AGO1: variants seen among roughly 807,000 people sequenced by gnomAD.
The protein encoded by AGO1 is argonaute RISC component 1, also known as protein argonaute-1.
Under a neutral mutation model 109.2 loss-of-function variants are expected in AGO1, and 11 were observed. That is an observed-to-expected ratio of 0.10 (90% CI 0.06 to 0.17). The LOEUF (loss-of-function observed/expected upper bound fraction) is 0.17, where lower values mean the gene tolerates loss of function less well. Ranked by LOEUF, AGO1 falls within the 10% of genes least tolerant of loss-of-function variation. The pLI is 1.00. For missense variants in AGO1, 574 were observed against 1,140.3 expected (o/e 0.50, Z 7.15); for synonymous variants, 422 against 418.6 (o/e 1.01, Z -0.10).
rs1028755896 is a variant in AGO1, at chr1:35,883,542, TGAG to T, written c.25+100_25+102del. 4 of 1,430,424 alleles carry T rather than the reference TGAG, an allele frequency of 2.8e-6. No individual in the cohort carries two copies. Among genetic ancestry groups the T allele is most frequent in the East Asian group, 2.8e-5 (1 of 35,582 alleles). The allele number at this position is 1,430,424 out of a possible 1,614,324, so 88.6% of individuals were successfully genotyped here. The stretch of plus-strand genomic sequence containing the variant: ...TCCAAGTGATGGAAGCGCTCCTGAG[TGAG>T]GAGAAGGGCTCTCCCACGATGGGGG... On this transcript the variant is annotated intron_variant, in intron 1 of 18. Transcript: ENST00000373204. The surrounding 1 kb of genome is among the most constrained non-coding windows in gnomAD (Gnocchi z 5.4).
In AGO1 at chr1:35,896,457, G is replaced by A. The variant is rs548533857; in HGVS notation, c.1020+1188G>A. ...TCACTGTAACCTCCTCAGCCTCCCAGGTTCAAGCAATTCTCATGCCTCAGC... is the reference window on the plus strand; with the variant it reads ...TCACTGTAACCTCCTCAGCCTCCCAAGTTCAAGCAATTCTCATGCCTCAGC... On this transcript the variant is annotated intron_variant, in intron 8 of 18. Coordinates refer to ENST00000373204, the MANE Select transcript of AGO1 (RefSeq NM_012199.5). Among the ~76,000 whole-genome samples the A allele has an allele frequency of 4.0e-5, 6 of 151,506 alleles. No individual in the cohort carries two copies. The South Asian group carries it at 1.3e-3, about 32-fold the overall frequency.
At chr1:35,906,624 C>A (rs1645524187) in intron 11 of AGO1, among the ~76,000 whole-genome samples, 2 of 151,866 alleles carry the variant, frequency 1.3e-5, no homozygotes, top group Non-Finnish European at 2.9e-5. Context: ...GCTTGGGCAA[C>A]ATAGTGAGAT....
chr1:35,878,986 T>C (rs1415558804), upstream of AGO1, among the ~76,000 whole-genome samples: 1 of 152,096 alleles, frequency 6.6e-6, no homozygotes, highest in Non-Finnish European at 1.5e-5. Context: ...AGGAAATTCT[T>C]TGTATAGAGA....
In AGO1 at chr1:35,883,235, T is replaced by G. The variant is rs1442648369; in HGVS notation, c.-187T>G. 2 of 1,251,170 alleles carry G rather than the reference T, an allele frequency of 1.6e-6. No individual in the cohort carries two copies. The highest frequency in any genetic ancestry group is 7.0e-5 in the East Asian group (2 of 28,772). 77.5% of individuals were successfully genotyped at this position (1,251,170 alleles called of 1,614,324 possible). A position where few individuals can be genotyped will look rare whatever the true frequency, so the allele number is the denominator to read the frequency against. ...CTGGCAGCTGGCCGGGCGCTCGCAG[T>G]GGGAGCTGCTGCAGGCTCCGCGGCG... On this transcript the variant is annotated 5_prime_UTR_variant, in exon 1 of 19. Coordinates refer to ENST00000373204, the MANE Select transcript of AGO1 (RefSeq NM_012199.5). This position sits in a 1 kb window ranked among gnomAD's most constrained non-coding sequence, Gnocchi z 5.4.
intron 1 of AGO1, among the ~76,000 whole-genome samples, chr1:35,884,387 A>C (rs183780681): frequency 4.7e-4 from 71 of 152,272 alleles, no homozygotes; most frequent in Admixed American, 1.3e-3. Flanking sequence ...GGCAGGGGCT[A>C]CCTGGAAGGA....
chr1:35,899,316 C>T (rs1645375448), intron 8 of AGO1, among the ~76,000 whole-genome samples: 1 of 152,050 alleles, frequency 6.6e-6, no homozygotes, highest in Non-Finnish European at 1.5e-5. Flanking sequence ...TTGCTTCTTC[C>T]TTTTGGTTAT....
At chr1:35,894,549 G>C (rs893518902) in intron 7 of AGO1, 147 bp downstream of exon 7, 1 of 799,478 alleles carries the variant, frequency 1.3e-6, no homozygotes, top group East Asian at 2.7e-5. Context: ...GTGGGAATTT[G>C]GCATCCTTTC....
At position 35,928,517 on chromosome 1, in the gene AGO1, C is replaced by G. The variant is rs1415503827; in HGVS notation, c.*8910C>G. On this transcript the variant is annotated 3_prime_UTR_variant, in exon 19 of 19. Transcript: ENST00000373204. ...TGCCCAGGCTGGCCTCTCTTAGCTT[C>G]AAGCTATCCTCCCGCCTCGGCCTCC... 2.0e-5 allele frequency: 3 copies of G among 152,236 alleles called. No homozygotes were observed. The highest frequency in any genetic ancestry group is 7.2e-5 in the African/African-American group (3 of 41,452). The allele number at this position is 152,236 out of a possible 1,614,324, so 9.4% of individuals were successfully genotyped here.
rs1306438907 is a variant in AGO1 at position 35,893,903 on chromosome 1, G to A, written c.649+93G>A. The stretch of plus-strand genomic sequence containing the variant: ...TCCCAGCTCTGCAACCACACTCCTA[G>A]TCTAATTCCTACAGCCCTGGCACCC... On this transcript the variant is annotated intron_variant, in intron 5 of 18. Transcript: ENST00000373204. This position sits in a 1 kb window ranked among gnomAD's most constrained non-coding sequence, Gnocchi z 5.6. The A allele has an allele frequency of 4.5e-6, 7 of 1,542,010 alleles. No individual in the cohort carries two copies. Among genetic ancestry groups the A allele is most frequent in the Non-Finnish European group, 6.1e-6 (7 of 1,140,146 alleles).
Position 35,893,936 on chromosome 1 carries a change from C to G in AGO1, c.650-101C>G. 1 of 1,523,360 alleles carries G rather than the reference C, an allele frequency of 6.6e-7. No individual in the cohort carries two copies. Among genetic ancestry groups the G allele is most frequent in the Non-Finnish European group, 8.8e-7 (1 of 1,130,480 alleles). The allele number at this position is 1,523,360 out of a possible 1,614,324, so 94.4% of individuals were successfully genotyped here. ...CCTACAGCCCTGGCACCCCCTTCCC[C>G]CATCCCAATGCCCTTTAAGGAAGAG... On this transcript the variant is annotated intron_variant, in intron 5 of 18. Transcript: ENST00000373204. This position sits in a 1 kb window ranked among gnomAD's most constrained non-coding sequence, Gnocchi z 5.6.
chr1:35,914,379 A>G, intron 14 of AGO1, 105 bp downstream of exon 14: 1 of 871,628 alleles, frequency 1.1e-6, no homozygotes, highest in South Asian at 1.5e-5. Flanking sequence ...GAGCCTTCAT[A>G]AGATGTCCAT....
rs1396458858 is a variant in AGO1, at chr1:35,871,760, C to T, written c.-201+1857C>T. ...TCTTCTGTGAAAGAGCTGTAAATGA[C>T]TTTTGCCTTAAAAAAAAAATAATTG... is the stretch of plus-strand genomic sequence containing the variant. On this transcript the variant is annotated intron_variant, in intron 1 of 18. Transcript: ENST00000373206. Among the ~76,000 whole-genome samples, 3 of 150,942 alleles carry T rather than the reference C, an allele frequency of 2.0e-5. No homozygotes were observed. The East Asian group carries it at 6.0e-4, about 30-fold the overall frequency.
chr1:35,906,280 A>G (rs902814192), intron 11 of AGO1, among the ~76,000 whole-genome samples: 3 of 152,158 alleles, frequency 2.0e-5, no homozygotes, highest in African/African-American at 7.2e-5. Flanking sequence ...ATTTGCTTTG[A>G]GCAGAAAGGC....
chr1:35,907,133 G>A lies in AGO1; in HGVS notation c.1582+14G>A. 1 of 1,603,022 alleles carries A rather than the reference G, an allele frequency of 6.2e-7. No homozygotes were observed. The highest frequency in any genetic ancestry group is 8.5e-7 in the Non-Finnish European group (1 of 1,173,686). The stretch of plus-strand genomic sequence containing the variant: ...CGCCGGTGTATGGTACAGTTCTCTT[G>A]GGACAGTGATAATGGTGATAGGACT... On this transcript the variant is annotated intron_variant, in intron 12 of 18. Transcript: ENST00000373204.
intron 2 of AGO1, among the ~76,000 whole-genome samples, chr1:35,891,255 T>C (rs998926693): frequency 2.0e-5 from 3 of 152,336 alleles, no homozygotes; most frequent in Middle Eastern, 6.8e-3. Context: ...AGAACTTTGA[T>C]CTAGAAAGTG....
chr1:35,917,835 C>G, intron 16 of AGO1, 108 bp downstream of exon 16: 1 of 1,449,062 alleles, frequency 6.9e-7, no homozygotes, highest in Non-Finnish European at 9.3e-7. Context: ...TCCTATCTAT[C>G]CTCCCTGGCC....
chr1:35,893,396 C>T lies in AGO1; in HGVS notation c.512+118C>T. The stretch of plus-strand genomic sequence containing the variant: ...CATTAAAAAAAAAAATTATTTGAAG[C>T]CCTACCACTTGCCAGGCAAATGTGT... On this transcript the variant is annotated intron_variant, in intron 4 of 18. Transcript: ENST00000373204. This position sits in a 1 kb window ranked among gnomAD's most constrained non-coding sequence, Gnocchi z 5.6. The T allele has an allele frequency of 8.7e-7, 1 of 1,145,038 alleles. No homozygotes were observed. The highest frequency in any genetic ancestry group is 1.2e-6 in the Non-Finnish European group (1 of 818,890). The allele number at this position is 1,145,038 out of a possible 1,614,324, so 70.9% of individuals were successfully genotyped here. A position where few individuals can be genotyped will look rare whatever the true frequency, so the allele number is the denominator to read the frequency against.
upstream of AGO1, among the ~76,000 whole-genome samples, chr1:35,879,758 A>AAT (rs2148704706): frequency 6.6e-6 from 1 of 150,998 alleles, no homozygotes; most frequent in South Asian, 2.1e-4. Context: ...AAAAAAAAAA[A>AAT]AAAAGCAAAA....
rs11263838 is a variant in AGO1, at chr1:35,924,918, A to G, written c.*5311A>G. On this transcript the variant is annotated 3_prime_UTR_variant, in exon 19 of 19. Transcript: ENST00000373204. ...CAGGTAAGACTGTAAAACTGCATTT[A>G]TAGATACAGGAGTCTTATAGATGGT... 0.16 allele frequency: 24,335 copies of G among 151,954 alleles called. 4,522 individuals are homozygous for G. The highest frequency in any genetic ancestry group is 0.69 in the East Asian group (3,511 of 5,110). 9.4% of individuals were successfully genotyped at this position (151,954 alleles called of 1,614,324 possible).
Sources: allele counts gnomAD v4.1 joint callset (sites outside exome capture counted in the v4.1 genomes callset), GRCh38; gene constraint gnomAD v4.1.1; non-coding constraint Gnocchi (gnomAD v3.1); transcripts MANE v1.5; gene names NCBI Gene and HGNC (gene_info 2026-07-23, HGNC 2026-07-21).